MTUS2: variants seen among roughly 807,000 people sequenced by gnomAD.
MTUS2 encodes microtubule associated scaffold protein 2, also known as microtubule-associated tumor suppressor candidate 2.
Under a neutral mutation model 114.1 loss-of-function variants are expected in MTUS2, and 40 were observed. The observed-to-expected ratio is 0.35, with a 90% CI of 0.27 to 0.46. The LOEUF (loss-of-function observed/expected upper bound fraction) is 0.46. Ranked by LOEUF, MTUS2 falls within the 20% of genes least tolerant of loss-of-function variation. MTUS2 has a pLI of 1.00. For missense variants in MTUS2, 1,679 were observed against 1,705.4 expected (o/e 0.98, Z 0.27); for synonymous variants, 688 against 672.0 (o/e 1.02, Z -0.37).
intron 7 of MTUS2, among the ~76,000 whole-genome samples, chr13:29,344,716 G>T (rs1868497043): frequency 6.6e-6 from 1 of 152,004 alleles, no homozygotes. Context: ...TGAATACCTT[G>T]TTGTTGTTTT....
At chr13:29,460,289 A>G (rs56252198) in intron 9 of MTUS2, among the ~76,000 whole-genome samples, 17 of 152,052 alleles carry the variant, frequency 1.1e-4, no homozygotes, top group Non-Finnish European at 2.5e-4. Flanking sequence ...GCATCCTCAG[A>G]GTTTTTGTTT....
intron 4 of MTUS2, among the ~76,000 whole-genome samples, chr13:29,088,830 A>G (rs1349671582): frequency 6.6e-6 from 1 of 152,008 alleles, no homozygotes; most frequent in African/African-American, 2.4e-5. Context: ...ATTTTTCTCC[A>G]TCTCCTTACT....
chr13:28,971,247 G>A (rs1408557595), intron 2 of MTUS2, among the ~76,000 whole-genome samples: 1 of 152,090 alleles, frequency 6.6e-6, no homozygotes, highest in Non-Finnish European at 1.5e-5. Context: ...ACTCATTACT[G>A]GTAGTGTTGT....
chr13:29,036,924 C>G (rs1425042071), intron 4 of MTUS2, among the ~76,000 whole-genome samples: 1 of 151,718 alleles, frequency 6.6e-6, no homozygotes, highest in Non-Finnish European at 1.5e-5. Context: ...AGATGGGTCT[C>G]CTGAATACAG....
chr13:29,125,055 A>G (rs1284331072), intron 5 of MTUS2, among the ~76,000 whole-genome samples: 3 of 152,250 alleles, frequency 2.0e-5, no homozygotes, highest in Non-Finnish European at 4.4e-5. Flanking sequence ...AATACCACTG[A>G]ACTTTACACT....
intron 2 of MTUS2, among the ~76,000 whole-genome samples, chr13:29,005,935 G>T (rs1213488040): frequency 6.6e-6 from 1 of 152,212 alleles, no homozygotes; most frequent in Non-Finnish European, 1.5e-5. Context: ...CCATGTTCTG[G>T]CAGATGGCCC....
At chr13:29,358,671 G>A (rs1374472051) in intron 7 of MTUS2, among the ~76,000 whole-genome samples, 4 of 152,178 alleles carry the variant, frequency 2.6e-5, no homozygotes, top group Admixed American at 6.5e-5. Flanking sequence ...TGGAGGAGGC[G>A]TCAAGTCACA....
At chr13:28,943,116 T>TTC (rs1222715777) in intron 2 of MTUS2, among the ~76,000 whole-genome samples, 1 of 152,190 alleles carries the variant, frequency 6.6e-6, no homozygotes, top group Non-Finnish European at 1.5e-5. Context: ...TTCCTATGAA[T>TTC]GTGATCTGGG....
rs145304098 is a variant in MTUS2, at chr13:29,070,226, A to T, written c.2447-30547A>T. On this transcript the variant is annotated intron_variant, in intron 4 of 15. Coordinates refer to ENST00000612955, the MANE Select transcript of MTUS2 (RefSeq NM_001033602.4). ...ATTCTGCTCTTTGTTTACCTTCTCAAATGTTCCTCTGGAACCTCTACTCAC... is the reference window on the plus strand; with the variant it reads ...ATTCTGCTCTTTGTTTACCTTCTCATATGTTCCTCTGGAACCTCTACTCAC... 4.8e-3 allele frequency among the ~76,000 whole-genome samples: 736 copies of T among 152,168 alleles called. 7 individuals carry two copies. Among genetic ancestry groups the T allele is most frequent in the Non-Finnish European group, 7.5e-3 (513 of 68,004 alleles).
At chr13:28,846,683 T>G (rs1430550640) in intron 2 of MTUS2, among the ~76,000 whole-genome samples, 1 of 152,204 alleles carries the variant, frequency 6.6e-6, no homozygotes, top group African/African-American at 2.4e-5. Flanking sequence ...AACAAAGTAG[T>G]CTTTCATTTA....
intron 5 of MTUS2, among the ~76,000 whole-genome samples, chr13:29,278,936 T>A (rs1406542983): frequency 6.6e-6 from 1 of 152,240 alleles, no homozygotes; most frequent in Non-Finnish European, 1.5e-5. Context: ...ATATTAATCC[T>A]TGAATACTTT....
intron 4 of MTUS2, among the ~76,000 whole-genome samples, chr13:29,074,751 C>G (rs1889107235): frequency 6.6e-6 from 1 of 152,124 alleles, no homozygotes; most frequent in African/African-American, 2.4e-5. Context: ...GATCTTACTT[C>G]TTTATTTTCC....
At chr13:29,141,270 T>G (rs2139001785) in intron 5 of MTUS2, among the ~76,000 whole-genome samples, 1 of 152,230 alleles carries the variant, frequency 6.6e-6, no homozygotes, top group South Asian at 2.1e-4. Flanking sequence ...GTGTGGTAAG[T>G]GCCACGATCA....
At position 28,939,382 on chromosome 13, in the gene MTUS2, T is replaced by A. The variant is rs536113988; in HGVS notation, c.-242-85075T>A. 2.0e-5 allele frequency among the ~76,000 whole-genome samples: 3 copies of A among 152,288 alleles called. No individual in the cohort carries two copies. The East Asian group carries it at 5.8e-4, about 29-fold the overall frequency. ...AAGGCTAAATACTCAAGACTGTTTGTTTATATTTTGTGTGTAAAAGGGAAT... is the reference window on the plus strand; with the variant it reads ...AAGGCTAAATACTCAAGACTGTTTGATTATATTTTGTGTGTAAAAGGGAAT... On this transcript the variant is annotated intron_variant, in intron 2 of 15. Transcript: ENST00000612955.
At chr13:29,453,424 T>C (rs900834693) in intron 9 of MTUS2, among the ~76,000 whole-genome samples, 8 of 152,194 alleles carry the variant, frequency 5.3e-5, no homozygotes, top group Non-Finnish European at 1.0e-4. Flanking sequence ...TACCCTTTGC[T>C]ATGCCAGGAG....
At chr13:28,877,133 C>T (rs1377735071) in intron 2 of MTUS2, among the ~76,000 whole-genome samples, 2 of 122,232 alleles carry the variant, frequency 1.6e-5, no homozygotes, top group African/African-American at 5.7e-5. Context: ...ACTAAAAATA[C>T]AAAAAAAAAA....
intron 2 of MTUS2, among the ~76,000 whole-genome samples, chr13:28,841,282 G>T (rs919091391): frequency 3.3e-5 from 5 of 152,224 alleles, no homozygotes; most frequent in Admixed American, 6.5e-5. Flanking sequence ...AGATTTAGGG[G>T]CTACGGGTGG....
chr13:28,863,977 C>G (rs1304725937), intron 2 of MTUS2, among the ~76,000 whole-genome samples: 2 of 152,234 alleles, frequency 1.3e-5, no homozygotes, highest in Middle Eastern at 3.4e-3. Flanking sequence ...ATTACAGGCA[C>G]GAGTCACTGC....
intron 2 of MTUS2, among the ~76,000 whole-genome samples, chr13:28,938,051 T>C (rs557921963): frequency 1.3e-5 from 2 of 152,280 alleles, no homozygotes; most frequent in Admixed American, 6.5e-5. Context: ...CCTGAGAATA[T>C]AACAAAGTGT....
Sources: gnomAD v4.1 joint callset for allele counts (sites outside exome capture counted in the v4.1 genomes callset) on GRCh38, gnomAD v4.1.1 for gene constraint, MANE v1.5 for transcripts, NCBI Gene and HGNC (gene_info 2026-07-23, HGNC 2026-07-21) for gene names.